LRP1B: variants seen among roughly 807,000 people sequenced by gnomAD.
LRP1B encodes low-density lipoprotein receptor-related protein 1B.
Under a neutral mutation model 556.6 loss-of-function variants are expected in LRP1B, and 217 were observed. The ratio of observed to expected loss-of-function variants is 0.39; its 90% CI spans 0.35 to 0.44. The LOEUF (loss-of-function observed/expected upper bound fraction) is 0.44. Ranked by LOEUF, LRP1B falls within the 20% of genes least tolerant of loss-of-function variation. The probability of loss-of-function intolerance (pLI) is 1.00; values close to 1 mark genes in which losing one functional copy is unlikely to be tolerated. For synonymous variants in LRP1B, 2,047 were observed against 1,865.8 expected (o/e 1.10, Z -2.50); for missense variants, 5,053 against 5,620.8 (o/e 0.90, Z 3.23).
intron 3 of LRP1B, among the ~76,000 whole-genome samples, chr2:141,326,301 A>G: frequency 6.6e-6 from 1 of 152,116 alleles, no homozygotes; most frequent in East Asian, 1.9e-4. Context: ...CGACAATAGG[A>G]AATGCTTCCA....
At chr2:141,792,060 T>C (rs1695632888) in intron 2 of LRP1B, among the ~76,000 whole-genome samples, 1 of 149,694 alleles carries the variant, frequency 6.7e-6, no homozygotes, top group South Asian at 2.1e-4. Context: ...TTTTTTTTGG[T>C]ATCAGTGCCG....
intron 41 of LRP1B, among the ~76,000 whole-genome samples, chr2:140,627,667 A>G (rs1426760565): frequency 6.6e-6 from 1 of 152,176 alleles, no homozygotes; most frequent in African/African-American, 2.4e-5. Context: ...TCCCTTTCAC[A>G]TATACAGCTA....
intron 6 of LRP1B, among the ~76,000 whole-genome samples, chr2:141,219,655 G>C (rs1203781983): frequency 1.3e-5 from 2 of 152,108 alleles, no homozygotes; most frequent in Non-Finnish European, 2.9e-5. Flanking sequence ...CAAGGGCCAT[G>C]AGACACCTCA....
At chr2:140,832,927 G>T (rs1691766674) in intron 31 of LRP1B, among the ~76,000 whole-genome samples, 1 of 152,096 alleles carries the variant, frequency 6.6e-6, no homozygotes. Context: ...TGAGGCAATG[G>T]ATATCTCAAT....
At chr2:140,614,063 G>A (rs796571093) in intron 41 of LRP1B, among the ~76,000 whole-genome samples, 18 of 152,100 alleles carry the variant, frequency 1.2e-4, no homozygotes, top group African/African-American at 3.9e-4. Context: ...GACACAGCTG[G>A]CCTAATTGCC....
At chr2:141,756,477 G>T (rs1478260174) in intron 2 of LRP1B, among the ~76,000 whole-genome samples, 1 of 151,156 alleles carries the variant, frequency 6.6e-6, no homozygotes, top group African/African-American at 2.4e-5. Flanking sequence ...AAATCAAGTT[G>T]CAATAAGAAA....
intron 1 of LRP1B, among the ~76,000 whole-genome samples, chr2:141,839,612 CTT>C (rs1697397790): frequency 6.6e-6 from 1 of 152,124 alleles, no homozygotes; most frequent in South Asian, 2.1e-4. Flanking sequence ...GCGGTGGTTC[CTT>C]TTCTTGACTA....
chr2:140,708,911 A>C (rs1441459), intron 37 of LRP1B, among the ~76,000 whole-genome samples: 80,414 of 151,444 alleles, frequency 0.53, 22,432 homozygotes, highest in Middle Eastern at 0.66. Context: ...TGGTAAATCA[A>C]ATTTATTCCA....
At chr2:141,577,950 A>G (rs552484222) in intron 2 of LRP1B, among the ~76,000 whole-genome samples, 1 of 152,354 alleles carries the variant, frequency 6.6e-6, no homozygotes, top group South Asian at 2.1e-4. Flanking sequence ...CAGAATTTCA[A>G]AGAATATTCC....
chr2:141,666,878 T>A (rs1203784841), intron 2 of LRP1B, among the ~76,000 whole-genome samples: 2 of 152,228 alleles, frequency 1.3e-5, no homozygotes, highest in African/African-American at 4.8e-5. Flanking sequence ...TGGTACAGTT[T>A]TCTTCATTAA....
chr2:140,822,270 G>C (rs1333594789), intron 31 of LRP1B, among the ~76,000 whole-genome samples: 1 of 152,136 alleles, frequency 6.6e-6, no homozygotes, highest in Non-Finnish European at 1.5e-5. Context: ...AGAATATTTA[G>C]CTCAACAATG....
intron 3 of LRP1B, among the ~76,000 whole-genome samples, chr2:141,479,418 C>T (rs1262049644): frequency 1.3e-5 from 2 of 152,150 alleles, no homozygotes; most frequent in Admixed American, 6.5e-5. Flanking sequence ...GACCTGGGAC[C>T]TCTTCCCCCA....
intron 11 of LRP1B, among the ~76,000 whole-genome samples, chr2:141,040,468 G>A (rs78473480): frequency 0.028 from 4,187 of 152,120 alleles, 88 homozygotes; most frequent in Non-Finnish European, 0.04. Context: ...ATTTAAAGGT[G>A]CAGAAAATGA....
At chr2:141,766,110 AT>A (rs1694724096) in intron 2 of LRP1B, among the ~76,000 whole-genome samples, 1 of 152,190 alleles carries the variant, frequency 6.6e-6, no homozygotes, top group Admixed American at 6.6e-5. Context: ...ACTATGGGTA[AT>A]TAGCTGGAGC....
chr2:140,642,249 G>T (rs1684321978), intron 41 of LRP1B, among the ~76,000 whole-genome samples: 1 of 152,162 alleles, frequency 6.6e-6, no homozygotes, highest in South Asian at 2.1e-4. Context: ...TTCAAGGGAG[G>T]GTTCCACTTA....
chr2:140,766,843 ATTATATATATATATATATAT>A (rs1559106372), intron 35 of LRP1B, among the ~76,000 whole-genome samples: 6 of 95,774 alleles, frequency 6.3e-5, no homozygotes, highest in African/African-American at 1.5e-4. Context: ...ATATATATAT[ATTATATATATATATATATAT>A]ATAATATATA....
intron 83 of LRP1B, among the ~76,000 whole-genome samples, chr2:140,298,833 G>T (rs571089800): frequency 2.6e-5 from 4 of 152,068 alleles, no homozygotes; most frequent in Admixed American, 6.6e-5. Flanking sequence ...AATGAAATAT[G>T]GAACTAGCTC....
In LRP1B at chr2:141,511,933, T is replaced by C. The variant is rs920930564; in HGVS notation, c.206-31400A>G. Among the ~76,000 whole-genome samples the C allele has an allele frequency of 9.2e-5, 14 of 152,268 alleles. No homozygotes were observed. In the Middle Eastern group the frequency reaches 0.01, roughly 112 times the overall value. ...TATAAGAGGCATTTTTCCTAGTAAG[T>C]CATAAATTAATGGATCAGACATTTA... On this transcript the variant is annotated intron_variant, in intron 2 of 90. Coordinates refer to ENST00000389484, the MANE Select transcript of LRP1B (RefSeq NM_018557.3).
chr2:140,778,572 C>A (rs1440362277), intron 32 of LRP1B, among the ~76,000 whole-genome samples: 1 of 151,922 alleles, frequency 6.6e-6, no homozygotes, highest in Non-Finnish European at 1.5e-5. Flanking sequence ...TTCAAATGAA[C>A]AACACAAGCT....
Sources: gnomAD v4.1 joint callset for allele counts (sites outside exome capture counted in the v4.1 genomes callset) on GRCh38, gnomAD v4.1.1 for gene constraint, MANE v1.5 for transcripts, NCBI Gene and HGNC (gene_info 2026-07-23, HGNC 2026-07-21) for gene names.